The following DPP6 variants were observed in gnomAD, a reference collection of about 807,000 sequenced individuals.
DPP6 encodes the protein dipeptidyl peptidase like 6, also known as A-type potassium channel modulatory protein DPP6.
Under a neutral mutation model 122.6 loss-of-function variants are expected in DPP6, and 69 were observed. That is an observed-to-expected ratio of 0.56 (90% confidence interval 0.46 to 0.69). The LOEUF (loss-of-function observed/expected upper bound fraction) is 0.69, where lower values mean the gene tolerates loss of function less well. Among genes scored for constraint, DPP6 ranks in the 30% least tolerant of loss-of-function variants. The pLI is 0.00. For synonymous variants in DPP6, 418 were observed against 433.1 expected (o/e 0.97, Z 0.43); for missense variants, 928 against 1,116.9 (o/e 0.83, Z 2.41).
intron 1 of DPP6, among the ~76,000 whole-genome samples, chr7:154,217,936 G>A (rs559530386): frequency 2.6e-5 from 4 of 152,346 alleles, no homozygotes; most frequent in Admixed American, 6.5e-5. Flanking sequence ...AGCAGCTGGC[G>A]GGAGTGAATG....
chr7:154,429,850 G>A (rs995031924), intron 1 of DPP6, among the ~76,000 whole-genome samples: 2 of 152,270 alleles, frequency 1.3e-5, no homozygotes, highest in South Asian at 2.1e-4. Flanking sequence ...GGTCGCGCTC[G>A]TCACAGACAT....
chr7:154,171,288 C>A (rs1797523036), intron 1 of DPP6, among the ~76,000 whole-genome samples: 1 of 152,218 alleles, frequency 6.6e-6, no homozygotes, highest in South Asian at 2.1e-4. Context: ...GAGTGGTTTG[C>A]ATGATCTCCT....
intron 1 of DPP6, among the ~76,000 whole-genome samples, chr7:154,333,785 T>C (rs992027683): frequency 1.3e-4 from 20 of 152,226 alleles, no homozygotes; most frequent in African/African-American, 4.8e-4. Context: ...TTAACCAATA[T>C]CTGACTTTAT....
the DPP6 span, among the ~76,000 whole-genome samples, chr7:153,767,872 C>T: frequency 3.9e-5 from 6 of 152,064 alleles, no homozygotes; most frequent in Non-Finnish European, 8.8e-5. Flanking sequence ...AAAATGAATA[C>T]CTGGAACGGA....
intron 4 of DPP6, among the ~76,000 whole-genome samples, chr7:154,562,699 A>G (rs1234985982): frequency 2.0e-5 from 3 of 152,232 alleles, no homozygotes; most frequent in Non-Finnish European, 2.9e-5. Context: ...TAAGAAATAT[A>G]CAGAAAATAT....
chr7:154,483,260 G>A lies in DPP6; in HGVS notation c.457+8223G>A, dbSNP rs1047215249. 4.1e-4 allele frequency among the ~76,000 whole-genome samples: 63 copies of A among 152,120 alleles called. No individual in the cohort carries two copies. The highest frequency in any genetic ancestry group is 2.9e-4 in the Non-Finnish European group (20 of 68,012). On this transcript the variant is annotated intron_variant, in intron 3 of 25. Coordinates refer to ENST00000377770, the MANE Select transcript of DPP6 (RefSeq NM_130797.4). The surrounding 1 kb of genome is among the most constrained non-coding windows in gnomAD (Gnocchi z 8.1). ...AGATGTAAATGAAAAACCACCCCAC[G>A]GTGGCCACGCACCTCTTCCTGGCTC... is the stretch of plus-strand genomic sequence containing the variant.
At chr7:153,786,670 C>T in the DPP6 span, among the ~76,000 whole-genome samples, 11 of 138,218 alleles carry the variant, frequency 8.0e-5, no homozygotes, top group South Asian at 2.5e-4. Flanking sequence ...ACCCGGGAGG[C>T]GGAGCTTGCA....
chr7:154,004,274 C>T (rs1324247047), intron 1 of DPP6, among the ~76,000 whole-genome samples: 2 of 152,186 alleles, frequency 1.3e-5, no homozygotes, highest in Non-Finnish European at 2.9e-5. Flanking sequence ...TGCACAGCTA[C>T]TGGAGGAGCA....
chr7:154,503,075 G>C (rs1474296252), intron 3 of DPP6, among the ~76,000 whole-genome samples: 1 of 152,148 alleles, frequency 6.6e-6, no homozygotes, highest in Non-Finnish European at 1.5e-5. Context: ...GAATTCTCCT[G>C]ATCCTTGCTT....
chr7:154,380,939 C>T (rs891475239), intron 1 of DPP6, among the ~76,000 whole-genome samples: 2 of 152,216 alleles, frequency 1.3e-5, no homozygotes, highest in Admixed American at 1.3e-4. Flanking sequence ...TTATCATCAA[C>T]TGTCAAAGCT....
At chr7:153,958,015 T>C (rs1206285187) in intron 1 of DPP6, among the ~76,000 whole-genome samples, 1 of 151,934 alleles carries the variant, frequency 6.6e-6, no homozygotes, top group African/African-American at 2.4e-5. Flanking sequence ...AATACAAAAC[T>C]TAGCTGGGTG....
At chr7:153,857,167 T>A in the DPP6 span, among the ~76,000 whole-genome samples, 1 of 152,322 alleles carries the variant, frequency 6.6e-6, no homozygotes, top group East Asian at 1.9e-4. Flanking sequence ...AAGGCCACAT[T>A]TTTAGGTCAC....
intron 1 of DPP6, among the ~76,000 whole-genome samples, chr7:154,012,323 A>G (rs10085865): frequency 0.29 from 43,816 of 152,124 alleles, 8,562 homozygotes; most frequent in African/African-American, 0.56. Flanking sequence ...TACATCTAAT[A>G]TATAATAGAA....
chr7:154,091,314 T>C (rs1336938086), intron 1 of DPP6, among the ~76,000 whole-genome samples: 6 of 152,256 alleles, frequency 3.9e-5, no homozygotes, highest in African/African-American at 1.4e-4. Flanking sequence ...GGGGTGCAGG[T>C]AGAATCTCAG....
At chr7:153,814,339 T>C in the DPP6 span, among the ~76,000 whole-genome samples, 1 of 152,050 alleles carries the variant, frequency 6.6e-6, no homozygotes, top group African/African-American at 2.4e-5. Context: ...TCTATGCAAA[T>C]AAACTACAAA....
At chr7:154,488,907 T>C (rs10262477) in intron 3 of DPP6, among the ~76,000 whole-genome samples, 14,749 of 152,204 alleles carry the variant, frequency 0.097, 2,169 homozygotes, top group African/African-American at 0.32. Flanking sequence ...CTCTCAGCGA[T>C]ACTTTGCTAC....
chr7:154,652,695 G>A (rs922560583), intron 6 of DPP6, among the ~76,000 whole-genome samples: 4 of 152,034 alleles, frequency 2.6e-5, no homozygotes, highest in African/African-American at 9.7e-5. Context: ...AGAGCCTGAG[G>A]CGTCAGAGTG....
At chr7:154,059,865 A>T (rs1160968264) in intron 1 of DPP6, among the ~76,000 whole-genome samples, 1 of 150,872 alleles carries the variant, frequency 6.6e-6, no homozygotes, top group Non-Finnish European at 1.5e-5. Flanking sequence ...TGGCCCCCCT[A>T]TTTGACGGCC....
At chr7:154,198,255 C>T (rs1798971927) in intron 1 of DPP6, among the ~76,000 whole-genome samples, 1 of 152,112 alleles carries the variant, frequency 6.6e-6, no homozygotes, top group African/African-American at 2.4e-5. Context: ...CTTACTACTA[C>T]AGAGGGTGAG....
Sources: gnomAD v4.1 joint callset for allele counts (sites outside exome capture counted in the v4.1 genomes callset) on GRCh38, gnomAD v4.1.1 for gene constraint, Gnocchi (gnomAD v3.1) non-coding constraint, MANE v1.5 for transcripts, NCBI Gene and HGNC (gene_info 2026-07-23, HGNC 2026-07-21) for gene names.